ARHGEF11: variants seen among roughly 807,000 people sequenced by gnomAD.
ARHGEF11 encodes the protein Rho guanine exchange factor (GEF) 11.
In ARHGEF11, 55 loss-of-function variants were observed where a neutral mutation model predicts 193.7. That is an observed-to-expected ratio of 0.28 (90% CI 0.23 to 0.36). The LOEUF (loss-of-function observed/expected upper bound fraction) is 0.36. Ranked by LOEUF, ARHGEF11 falls within the 10% of genes least tolerant of loss-of-function variation. The pLI, the probability that ARHGEF11 is intolerant of heterozygous loss-of-function variation, is 1.00. For missense variants in ARHGEF11, 1,723 were observed against 2,005.6 expected, an observed-to-expected ratio of 0.86 and a Z score of 2.69; for synonymous variants, 693 against 768.0, an observed-to-expected ratio of 0.90 and a Z score of 1.62.
chr1:156,964,530 C>T (rs1661431652), intron 11 of ARHGEF11, among the ~76,000 whole-genome samples: 1 of 152,198 alleles, frequency 6.6e-6, no homozygotes, highest in South Asian at 2.1e-4. Flanking sequence ...TCTTAAGGGG[C>T]TTTTCCTGAC....
intron 37 of ARHGEF11, 23 bp from the exon 38 acceptor site, chr1:156,938,536 AG>A: frequency 6.2e-7 from 1 of 1,607,782 alleles, no homozygotes; most frequent in East Asian, 2.2e-5. Flanking sequence ...CACCACCACC[AG>A]GAAGAGGAGA....
Position 156,980,494 on chromosome 1 carries a change from G to C in ARHGEF11, c.224-8C>G. 6.3e-7 allele frequency: 1 copy of C among 1,589,590 alleles called. No individual in the cohort carries two copies. The highest frequency in any genetic ancestry group is 1.1e-5 in the South Asian group (1 of 87,100). On this transcript the variant is annotated splice_polypyrimidine_tract_variant and splice_region_variant and intron_variant, in intron 3 of 40. Coordinates refer to ENST00000368194, the MANE Select transcript of ARHGEF11 (RefSeq NM_198236.3). ...CCTTCATGGCTGCACCTCCTGTAAGGAGAAGGCCTGGTCAGCAGTGCCCAA... is the reference window on the plus strand; with the variant it reads ...CCTTCATGGCTGCACCTCCTGTAAGCAGAAGGCCTGGTCAGCAGTGCCCAA...
At chr1:156,961,813 C>T in intron 13 of ARHGEF11, 38 bp from the exon 14 acceptor site, 5 of 1,587,226 alleles carry the variant, frequency 3.2e-6, no homozygotes, top group Non-Finnish European at 4.3e-6. Flanking sequence ...CAGTGGTTCT[C>T]CCCCAGCAGT....
chr1:157,044,496 A>G lies in ARHGEF11; in HGVS notation c.-166T>C, dbSNP rs1393201414. 1 of 570,512 alleles carries G rather than the reference A, an allele frequency of 1.8e-6. No homozygotes were observed. The highest frequency in any genetic ancestry group is 2.7e-5 in the South Asian group (1 of 37,392). The allele number at this position is 570,512 out of a possible 1,614,324, so 35.3% of individuals were successfully genotyped here. ...ACCCTGGTAACTGATGCTCCACTCT[A>G]CTTCTACCAGTGAACATGATTTCCT... is the stretch of plus-strand genomic sequence containing the variant. On this transcript the variant is annotated 5_prime_UTR_variant, in exon 1 of 41. Coordinates refer to ENST00000368194, the MANE Select transcript of ARHGEF11 (RefSeq NM_198236.3).
At position 156,956,387 on chromosome 1, in the gene ARHGEF11, T is replaced by G. The variant is rs1329499067; in HGVS notation, c.1671+33A>C. On this transcript the variant is annotated intron_variant, in intron 19 of 40. Transcript: ENST00000368194. ...GCCTTGGCATTCCAAAGTACTAGGA[T>G]TACAGGCATGAGCCACCATGCCCGG... The G allele has an allele frequency of 1.9e-6, 3 of 1,611,814 alleles. No homozygotes were observed. The South Asian group carries it at 3.3e-5, about 18-fold the overall frequency.
intron 1 of ARHGEF11, among the ~76,000 whole-genome samples, chr1:156,995,622 C>T (rs1666368659): frequency 6.7e-6 from 1 of 149,570 alleles, no homozygotes; most frequent in Non-Finnish European, 1.5e-5. Flanking sequence ...GTGATGCAAT[C>T]ACGGCTCACT....
intron 7 of ARHGEF11, among the ~76,000 whole-genome samples, chr1:156,974,521 T>C (rs1008629748): frequency 8.5e-5 from 13 of 152,252 alleles, no homozygotes. Context: ...CTGTAATTCA[T>C]ATGACATAAA....
intron 1 of ARHGEF11, among the ~76,000 whole-genome samples, chr1:157,001,525 G>A (rs567601528): frequency 6.6e-6 from 1 of 152,330 alleles, no homozygotes; most frequent in East Asian, 1.9e-4. Flanking sequence ...TTATGACAAA[G>A]ACAACCCCAA....
chr1:157,013,493 C>T (rs1366433130), intron 1 of ARHGEF11, among the ~76,000 whole-genome samples: 2 of 152,054 alleles, frequency 1.3e-5, no homozygotes, highest in Non-Finnish European at 2.9e-5. Context: ...CTACCTCTCC[C>T]CCAGCATGGC....
chr1:156,956,483 A>G lies in ARHGEF11; in HGVS notation c.1608T>C (p.Ala536=). 6.2e-7 allele frequency: 1 copy of G among 1,614,096 alleles called. No homozygotes were observed. Among genetic ancestry groups the G allele is most frequent in the African/African-American group, 1.3e-5 (1 of 75,026 alleles). ...TGTCAGGAGCAGACTGGGCCTTTTC[A>G]GCTGTGTTGGAAGGTCGTGCCTCTC... The part of the protein sequence containing the change: ...RLREARPSNT[A]EKAQSAPDKD... Residue 536 remains alanine, a synonymous_variant, in exon 19 of 41, where the codon GCT becomes GCC. Coordinates refer to ENST00000368194, the MANE Select transcript of ARHGEF11 (RefSeq NM_198236.3).
intron 1 of ARHGEF11, among the ~76,000 whole-genome samples, chr1:157,026,493 A>T (rs1288881525): frequency 6.6e-6 from 1 of 152,314 alleles, no homozygotes; most frequent in East Asian, 1.9e-4. Context: ...CACCCAGATG[A>T]TTATAATAGA....
chr1:157,040,924 G>C (rs1672659955), intron 1 of ARHGEF11, among the ~76,000 whole-genome samples: 1 of 152,132 alleles, frequency 6.6e-6, no homozygotes, highest in Non-Finnish European at 1.5e-5. Flanking sequence ...TTTGAGAACT[G>C]GATTGTACTT....
intron 1 of ARHGEF11, among the ~76,000 whole-genome samples, chr1:157,039,584 G>A (rs1460331988): frequency 6.6e-6 from 1 of 152,150 alleles, no homozygotes; most frequent in African/African-American, 2.4e-5. Context: ...GATCTTGCAT[G>A]CCACTAGCAG....
chr1:156,951,726 A>G (rs1273502867), intron 21 of ARHGEF11, 27 bp from the exon 22 acceptor site: 1 of 1,613,634 alleles, frequency 6.2e-7, no homozygotes, highest in South Asian at 1.1e-5. Flanking sequence ...AATGAAGGAC[A>G]CTAGGCTTGC....
chr1:157,046,027 C>G (rs1225717978), upstream of ARHGEF11, among the ~76,000 whole-genome samples: 1 of 151,214 alleles, frequency 6.6e-6, no homozygotes, highest in Non-Finnish European at 1.5e-5. Flanking sequence ...CGCCGACCGG[C>G]CCGCCCCTGT....
chr1:157,009,735 A>G (rs1023384536), intron 1 of ARHGEF11, among the ~76,000 whole-genome samples: 2 of 152,194 alleles, frequency 1.3e-5, no homozygotes, highest in Non-Finnish European at 2.9e-5. Context: ...GAAAACTTCT[A>G]TGGAGGGTAA....
At chr1:156,962,396 G>T (rs1473649874) in intron 13 of ARHGEF11, among the ~76,000 whole-genome samples, 1 of 152,128 alleles carries the variant, frequency 6.6e-6, no homozygotes, top group African/African-American at 2.4e-5. Context: ...AAGCAGTTGA[G>T]CAGAATAAGG....
intron 4 of ARHGEF11, among the ~76,000 whole-genome samples, chr1:156,979,919 C>A (rs1663881111): frequency 6.6e-6 from 1 of 152,228 alleles, no homozygotes; most frequent in Admixed American, 6.5e-5. Flanking sequence ...ACCCAGTGTG[C>A]TTCCTCATTA....
intron 21 of ARHGEF11, 53 bp downstream of exon 21, chr1:156,954,839 A>C (rs992097735): frequency 2.0e-5 from 29 of 1,454,004 alleles, no homozygotes; most frequent in Non-Finnish European, 2.6e-5. Flanking sequence ...GATTTGGGAG[A>C]TGGAAACTCA....
Sources: allele counts gnomAD v4.1 joint callset (sites outside exome capture counted in the v4.1 genomes callset), GRCh38; gene constraint gnomAD v4.1.1; transcripts MANE v1.5; gene names NCBI Gene and HGNC (gene_info 2026-07-23, HGNC 2026-07-21).